WDR59: variants seen among roughly 807,000 people sequenced by gnomAD.
The protein encoded by WDR59 is WD repeat domain 59.
A neutral mutation model predicts 131.2 loss-of-function variants in WDR59; 100 were observed. That is an observed-to-expected ratio of 0.76 (90% confidence interval 0.65 to 0.90). WDR59 has a LOEUF of 0.90. Among genes scored for constraint, WDR59 ranks in the 40% least tolerant of loss-of-function variants. WDR59 has a pLI of 0.00. For synonymous variants in WDR59, 601 were observed against 466.2 expected (o/e 1.29, Z -3.72); for missense variants, 1,203 against 1,262.2 (o/e 0.95, Z 0.71).
chr16:74,960,515 T>C (rs4888322), intron 2 of WDR59, among the ~76,000 whole-genome samples: 78,132 of 151,392 alleles, frequency 0.52, 20,825 homozygotes, highest in East Asian at 0.77. Flanking sequence ...GAGGCTGAGG[T>C]GGGTGGATCA....
intron 1 of WDR59, among the ~76,000 whole-genome samples, chr16:74,973,680 G>C (rs2034076138): frequency 6.6e-6 from 1 of 152,212 alleles, no homozygotes; most frequent in Admixed American, 6.5e-5. Flanking sequence ...GTGTTGCTCA[G>C]GAAGTCTTCT....
intron 1 of WDR59, among the ~76,000 whole-genome samples, chr16:74,970,869 A>G (rs1019193757): frequency 6.6e-6 from 1 of 151,672 alleles, no homozygotes; most frequent in Non-Finnish European, 1.5e-5. Context: ...CCTGGACAAC[A>G]TGATTAAACC....
chr16:74,927,908 CTTT>C (rs539167503), intron 8 of WDR59, among the ~76,000 whole-genome samples: 4 of 124,486 alleles, frequency 3.2e-5, no homozygotes, highest in Non-Finnish European at 1.6e-5. Context: ...TTCTTTCTTT[CTTT>C]TTTTTTTTTT....
At chr16:74,958,087 A>G (rs1470472721) in intron 2 of WDR59, among the ~76,000 whole-genome samples, 1 of 152,200 alleles carries the variant, frequency 6.6e-6, no homozygotes, top group Non-Finnish European at 1.5e-5. Flanking sequence ...GTGAGTATCA[A>G]TAGGGGGCTG....
chr16:74,915,837 C>T, intron 13 of WDR59, 33 bp downstream of exon 13: 3 of 1,613,650 alleles, frequency 1.9e-6, no homozygotes, highest in Non-Finnish European at 2.5e-6. Context: ...CTGCCATCAG[C>T]AAACATGAGA....
chr16:74,942,800 T>A lies in WDR59; in HGVS notation c.472A>T (p.Lys158Ter). 6.2e-7 allele frequency: 1 copy of A among 1,612,862 alleles called. No individual in the cohort carries two copies. Among genetic ancestry groups the A allele is most frequent in the Non-Finnish European group, 8.5e-7 (1 of 1,179,680 alleles). ...GTGGCAAGGCAGTTAGCATTTTTTT[T>A]ATTCCATTTGACCTGGGAGGCACCC... ...VAGASQVKWNKKNANCLATSH... is the reference protein window; with the variant it reads ...VAGASQVKWN The change falls in exon 7 of 26, where the codon AAA becomes TAA. Residue 158 changes from lysine (K) to a stop codon, truncating the protein, a stop_gained. Transcript: ENST00000262144. LOFTEE classifies it high-confidence loss of function.
At chr16:74,976,498 A>C (rs949115699) in intron 1 of WDR59, among the ~76,000 whole-genome samples, 29 of 148,606 alleles carry the variant, frequency 2.0e-4, no homozygotes, top group Non-Finnish European at 7.4e-5. Context: ...GCTGGAGTCC[A>C]AGGGCGCAAT....
chr16:74,948,401 G>C (rs1174089791), intron 6 of WDR59, 118 bp downstream of exon 6: 1 of 992,300 alleles, frequency 1.0e-6, no homozygotes, highest in Non-Finnish European at 1.6e-6. Flanking sequence ...GCGCAGCCCA[G>C]ACAGAGGCAG....
chr16:74,875,513 C>G (rs1424732700), intron 25 of WDR59, among the ~76,000 whole-genome samples: 3 of 151,892 alleles, frequency 2.0e-5, no homozygotes, highest in African/African-American at 7.3e-5. Context: ...TCTTGGCTCT[C>G]AATTTTCTCT....
At chr16:74,983,668 T>C (rs1300508824) in intron 1 of WDR59, among the ~76,000 whole-genome samples, 1 of 151,794 alleles carries the variant, frequency 6.6e-6, no homozygotes, top group African/African-American at 2.4e-5. Flanking sequence ...ATCCTCAACA[T>C]ACAACCACAT....
At position 74,952,767 on chromosome 16, in the gene WDR59, TTA is replaced by T. The variant is rs138680098; in HGVS notation, c.241-1226_241-1225del. 5.5e-4 allele frequency among the ~76,000 whole-genome samples: 81 copies of T among 147,436 alleles called. 1 individual carries two copies. Among genetic ancestry groups the T allele is most frequent in the South Asian group, 1.1e-3 (5 of 4,676 alleles). ...GCAGGCTACTTAATAATTTTTTAAA[TTA>T]TATATATATATATATACACATTAGA... is the stretch of plus-strand genomic sequence containing the variant. On this transcript the variant is annotated intron_variant, in intron 3 of 25. Transcript: ENST00000262144.
intron 13 of WDR59, among the ~76,000 whole-genome samples, chr16:74,914,942 T>C (rs1417594950): frequency 4.6e-5 from 7 of 152,186 alleles, no homozygotes; most frequent in Non-Finnish European, 1.5e-5. Flanking sequence ...CAGCACATAT[T>C]TGGGTAAAGG....
intron 8 of WDR59, among the ~76,000 whole-genome samples, chr16:74,935,828 C>G (rs1162324661): frequency 6.6e-6 from 1 of 152,020 alleles, no homozygotes; most frequent in Non-Finnish European, 1.5e-5. Flanking sequence ...GAAACCCCAT[C>G]TCTACTAAAA....
intron 3 of WDR59, 149 bp from the exon 4 acceptor site, chr16:74,951,692 A>G (rs2033007859): frequency 5.9e-6 from 4 of 683,598 alleles, no homozygotes; most frequent in East Asian, 2.7e-5. Flanking sequence ...GCCATCAGGA[A>G]TAAGTACAAT....
At position 74,909,228 on chromosome 16, in the gene WDR59, A is replaced by C. The variant is rs537813140; in HGVS notation, c.1643-251T>G. Among the ~76,000 whole-genome samples the C allele has an allele frequency of 1.6e-3, 239 of 152,056 alleles. 5 individuals are homozygous for C. The South Asian group carries it at 0.043, about 28-fold the overall frequency. On this transcript the variant is annotated intron_variant, in intron 16 of 25. Coordinates refer to ENST00000262144, the MANE Select transcript of WDR59 (RefSeq NM_030581.4). ...GACTCTAAGCCTCCCTACCAGGCGA[A>C]TGCCCCCTGCTAAGAATCAGGGCTC...
intron 24 of WDR59, 146 bp from the exon 25 acceptor site, chr16:74,885,941 C>T (rs1964734440): frequency 3.0e-6 from 3 of 996,854 alleles, no homozygotes; most frequent in Non-Finnish European, 4.3e-6. Context: ...CTTTGGGAGG[C>T]TGAGGCGGGT....
At chr16:74,924,831 G>A (rs1198189218) in intron 8 of WDR59, among the ~76,000 whole-genome samples, 1 of 152,026 alleles carries the variant, frequency 6.6e-6, no homozygotes, top group Admixed American at 6.6e-5. Flanking sequence ...ATGTTGCCCG[G>A]GCTGGTCTCG....
At chr16:74,938,628 C>A (rs148562539) in intron 7 of WDR59, among the ~76,000 whole-genome samples, 1 of 152,230 alleles carries the variant, frequency 6.6e-6, no homozygotes, top group African/African-American at 2.4e-5. Flanking sequence ...CCTCAACTTC[C>A]TGGGCTCAAG....
In WDR59 at chr16:74,874,440, G is replaced by A. The variant is rs774743305; in HGVS notation, c.2694C>T (p.Phe898=). Reference sequence around the variant, plus strand: ...TCCGGCAGTGGCTGCAGTACACGCCGAACTCTGGAAATGGGCAGGGACGGG... The same window carrying A: ...TCCGGCAGTGGCTGCAGTACACGCCAAACTCTGGAAATGGGCAGGGACGGG... The part of the protein sequence containing the change: ...CPPDPHKGIE[F]GVYCSHCRSE... The change falls in exon 26 of 26, where the codon TTC becomes TTT. Residue 898 remains phenylalanine, a synonymous_variant. Transcript: ENST00000262144. 20 of 1,613,684 alleles carry A rather than the reference G, an allele frequency of 1.2e-5. No individual in the cohort carries two copies. The highest frequency in any genetic ancestry group is 5.0e-5 in the Admixed American group (3 of 59,986).
Sources: allele counts gnomAD v4.1 joint callset (sites outside exome capture counted in the v4.1 genomes callset), GRCh38; gene constraint gnomAD v4.1.1; transcripts MANE v1.5; gene names NCBI Gene and HGNC (gene_info 2026-07-23, HGNC 2026-07-21).